The following LRRC7 variants were observed in gnomAD, a reference collection of about 807,000 sequenced individuals.
LRRC7 encodes leucine rich repeat containing 7.
A neutral mutation model predicts 175.7 loss-of-function variants in LRRC7; 23 were observed. The observed-to-expected ratio is 0.13, with a 90% CI of 0.09 to 0.19. LRRC7 has a LOEUF of 0.19. Among genes scored for constraint, LRRC7 ranks in the 10% least tolerant of loss-of-function variants. LRRC7 has a pLI of 1.00. For missense variants in LRRC7, 1,354 were observed against 1,904.7 expected (o/e 0.71, Z 5.38); for synonymous variants, 685 against 680.9 (o/e 1.01, Z -0.09).
chr1:69,819,569 C>T (rs1384301121), intron 4 of LRRC7, among the ~76,000 whole-genome samples: 2 of 133,404 alleles, frequency 1.5e-5, no homozygotes, highest in Non-Finnish European at 3.0e-5. Flanking sequence ...CTCTCTCTCT[C>T]TCTCTCTCTG....
At chr1:69,759,035 G>A (rs376477660) in intron 2 of LRRC7, among the ~76,000 whole-genome samples, 12 of 152,050 alleles carry the variant, frequency 7.9e-5, no homozygotes, top group East Asian at 3.9e-4. Flanking sequence ...CAGAGAACTT[G>A]CCTGATACAT....
At chr1:69,640,382 T>A (rs1654022816) in intron 1 of LRRC7, among the ~76,000 whole-genome samples, 1 of 151,720 alleles carries the variant, frequency 6.6e-6, no homozygotes, top group African/African-American at 2.4e-5. Context: ...TTTTGACTTG[T>A]GTAATAGATA....
chr1:69,718,105 G>A (rs1053704806), intron 2 of LRRC7, among the ~76,000 whole-genome samples: 9 of 58,982 alleles, frequency 1.5e-4, no homozygotes, highest in East Asian at 1.5e-3. Flanking sequence ...AGAAGAAAGA[G>A]AGAAAAAGAA....
intron 8 of LRRC7, among the ~76,000 whole-genome samples, chr1:69,932,111 G>C (rs1289815576): frequency 1.3e-5 from 2 of 152,168 alleles, no homozygotes; most frequent in South Asian, 2.1e-4. Context: ...TTCTCCTTTT[G>C]AGCATCCATT....
At chr1:69,856,387 G>T (rs936985724) in intron 7 of LRRC7, among the ~76,000 whole-genome samples, 1 of 152,054 alleles carries the variant, frequency 6.6e-6, no homozygotes, top group African/African-American at 2.4e-5. Context: ...AAGAAGAAAA[G>T]AGAGAAGAAT....
At chr1:70,104,856 A>T (rs557992002) in intron 25 of LRRC7, among the ~76,000 whole-genome samples, 21 of 152,310 alleles carry the variant, frequency 1.4e-4, no homozygotes, top group African/African-American at 3.6e-4. Context: ...AGCTTCTATG[A>T]TCTGGATTCA....
At position 69,600,164 on chromosome 1, in the gene LRRC7, C is replaced by T. The variant is rs142516932; in HGVS notation, c.2+31523C>T. Among the ~76,000 whole-genome samples, 217 of 152,052 alleles carry T rather than the reference C, an allele frequency of 1.4e-3. 1 individual carries two copies. The highest frequency in any genetic ancestry group is 4.9e-3 in the African/African-American group (202 of 41,470). On this transcript the variant is annotated intron_variant, in intron 1 of 26. Transcript: ENST00000651989. The stretch of plus-strand genomic sequence containing the variant: ...AGGGTGTTCCCATATAACCCTACAC[C>T]CAATTTCCTCTTTATTATCATGTAT...
intron 8 of LRRC7, among the ~76,000 whole-genome samples, chr1:69,951,065 C>T (rs935578525): frequency 5.3e-5 from 8 of 150,494 alleles, no homozygotes; most frequent in African/African-American, 2.0e-4. Context: ...GTCTAATATC[C>T]AGCATCTATA....
intron 11 of LRRC7, among the ~76,000 whole-genome samples, chr1:70,001,960 C>T (rs939749318): frequency 1.3e-5 from 2 of 152,096 alleles, no homozygotes; most frequent in African/African-American, 4.8e-5. Context: ...GAGAAGTCAC[C>T]AGACTTCAAT....
intron 18 of LRRC7, 51 bp from the exon 19 acceptor site, chr1:70,036,070 A>G: frequency 7.0e-7 from 1 of 1,425,424 alleles, no homozygotes; most frequent in Non-Finnish European, 9.6e-7. Context: ...ACTTTGGTTA[A>G]CCATTGTTTA....
intron 8 of LRRC7, among the ~76,000 whole-genome samples, chr1:69,943,828 A>G (rs1648997199): frequency 6.6e-6 from 1 of 152,060 alleles, no homozygotes; most frequent in Non-Finnish European, 1.5e-5. Context: ...GAGGGAGAGT[A>G]GTTAAGTGTA....
At chr1:69,748,584 C>G (rs1434055347) in intron 2 of LRRC7, among the ~76,000 whole-genome samples, 3 of 152,124 alleles carry the variant, frequency 2.0e-5, no homozygotes, top group Non-Finnish European at 4.4e-5. Context: ...TTTAAAAGTA[C>G]TAAACACACC....
chr1:69,701,644 ACT>A (rs1045172751), intron 2 of LRRC7, among the ~76,000 whole-genome samples: 6 of 152,182 alleles, frequency 3.9e-5, no homozygotes, highest in Non-Finnish European at 8.8e-5. Flanking sequence ...AATGACTAAA[ACT>A]CTGTTTCACA....
intron 1 of LRRC7, among the ~76,000 whole-genome samples, chr1:69,597,614 A>T (rs1646895830): frequency 6.6e-6 from 1 of 152,194 alleles, no homozygotes; most frequent in African/African-American, 2.4e-5. Flanking sequence ...GTAGCACCTA[A>T]GAAAATGCCT....
At chr1:69,755,010 T>C (rs1670250606) in intron 2 of LRRC7, among the ~76,000 whole-genome samples, 1 of 151,896 alleles carries the variant, frequency 6.6e-6, no homozygotes, top group East Asian at 1.9e-4. Context: ...GTAGAGAAAG[T>C]GACACCTCGA....
At chr1:69,654,693 A>G (rs1429132382) in intron 1 of LRRC7, among the ~76,000 whole-genome samples, 1 of 152,100 alleles carries the variant, frequency 6.6e-6, no homozygotes, top group Non-Finnish European at 1.5e-5. Flanking sequence ...GTTCATTTTT[A>G]CAAAGATGAT....
At chr1:69,839,427 C>G (rs2101366112) in intron 7 of LRRC7, among the ~76,000 whole-genome samples, 1 of 152,230 alleles carries the variant, frequency 6.6e-6, no homozygotes, top group East Asian at 1.9e-4. Flanking sequence ...ATGCCTTTCT[C>G]TAAGCTAAAG....
rs200282359 is a variant in LRRC7, at chr1:69,781,741, G to A, written c.304-10302G>A. Among the ~76,000 whole-genome samples, 149 of 35,294 alleles carry A rather than the reference G, an allele frequency of 4.2e-3. 1 individual carries two copies. Among genetic ancestry groups the A allele is most frequent in the East Asian group, 0.015 (12 of 790 alleles). 23.2% of individuals were successfully genotyped at this position (35,294 alleles called of 152,430 possible). ...AAAGAAAGAAAGAAAGAAAGAGAGA[G>A]AGAGAGAGAGAGAGAGAGAGAGAGA... On this transcript the variant is annotated intron_variant, in intron 3 of 26. Coordinates refer to ENST00000651989, the MANE Select transcript of LRRC7 (RefSeq NM_001370785.2).
chr1:69,653,050 G>T (rs1387167161), intron 1 of LRRC7, among the ~76,000 whole-genome samples: 1 of 152,034 alleles, frequency 6.6e-6, no homozygotes, highest in Admixed American at 6.6e-5. Flanking sequence ...TGATTTATTG[G>T]ATTTGACACC....
Sources: allele counts gnomAD v4.1 joint callset (sites outside exome capture counted in the v4.1 genomes callset), GRCh38; gene constraint gnomAD v4.1.1; transcripts MANE v1.5; gene names NCBI Gene and HGNC (gene_info 2026-07-23, HGNC 2026-07-21).